Variants in RBBP7 observed in about 807,000 individuals in gnomAD.
RBBP7 encodes histone-binding protein RBBP7.
A neutral mutation model predicts 35.2 loss-of-function variants in RBBP7; 5 were observed. The ratio of observed to expected loss-of-function variants is 0.14; its 90% CI spans 0.07 to 0.30. RBBP7 has a LOEUF of 0.30. RBBP7 is among the 10% of genes least tolerant of loss of function. RBBP7 has a pLI of 1.00. For missense variants in RBBP7, 155 were observed against 327.5 expected (o/e 0.47, Z 4.07); for synonymous variants, 140 against 118.7 (o/e 1.18, Z -1.17).
At chrX:16,868,664 T>A (rs996507917) in intron 2 of RBBP7, among the ~76,000 whole-genome samples, 1 of 112,802 alleles carries the variant, frequency 8.9e-6, no homozygotes, top group Admixed American at 9.4e-5. Context: ...AATGTATTTA[T>A]CTTGGATGAC....
chrX:16,859,937 T>C (rs1001868781), intron 3 of RBBP7, among the ~76,000 whole-genome samples: 13 of 111,331 alleles, frequency 1.2e-4, no homozygotes, highest in African/African-American at 2.9e-4. Flanking sequence ...GAAGCAAACA[T>C]AGCTTACTAT....
At chrX:16,849,157 C>T (rs1930156797) in intron 10 of RBBP7, 87 bp downstream of exon 10, 2 of 909,562 alleles carry the variant, frequency 2.2e-6, no homozygotes, top group Non-Finnish European at 3.0e-6. Flanking sequence ...AGCTAGAATT[C>T]GAAGTTCTGA....
rs145630887 is a variant in RBBP7 at position 16,868,991 on chromosome X, A to G, written c.161+85T>C. ...TCATGCAAGGGCTGATTACATACTT[A>G]TGTTCTATGCATAAAACGCCAAAAC... is the stretch of plus-strand genomic sequence containing the variant. On this transcript the variant is annotated intron_variant, in intron 2 of 11. Transcript: ENST00000380087. The G allele has an allele frequency of 3.4e-4, 352 of 1,026,618 alleles. No individual in the cohort carries two copies. The African/African-American group carries it at 5.9e-3, about 17-fold the overall frequency. The allele number at this position is 1,026,618 out of a possible 1,213,427, so 84.6% of individuals were successfully genotyped here.
chrX:16,868,155 G>A (rs949321377), intron 2 of RBBP7, among the ~76,000 whole-genome samples: 15 of 111,304 alleles, frequency 1.3e-4, no homozygotes, highest in Admixed American at 8.6e-4. Context: ...ATGCAGTGGC[G>A]CAATCATGGC....
intron 1 of RBBP7, chrX:16,869,694 C>T: frequency 1.9e-6 from 2 of 1,030,529 alleles, no homozygotes; most frequent in Non-Finnish European, 2.5e-6. Context: ...CCGAGGCGGT[C>T]AACGCGCGCG....
intron 5 of RBBP7, 45 bp downstream of exon 5, chrX:16,857,549 T>C: frequency 1.7e-6 from 2 of 1,206,805 alleles, no homozygotes; most frequent in Non-Finnish European, 2.2e-6. Flanking sequence ...CTGTGACACG[T>C]CAGCTCTCAC....
intron 2 of RBBP7, among the ~76,000 whole-genome samples, chrX:16,867,011 A>AT (rs1400581161): frequency 2.7e-5 from 3 of 112,225 alleles, no homozygotes; most frequent in African/African-American, 6.5e-5. Flanking sequence ...TATAGGTAAC[A>AT]TTTTTTTAAA....
chrX:16,864,033 T>C lies in RBBP7; in HGVS notation c.162-933A>G, dbSNP rs780190045. Among the ~76,000 whole-genome samples, 4 of 110,881 alleles carry C rather than the reference T, an allele frequency of 3.6e-5. No homozygotes were observed. The East Asian group carries it at 8.5e-4, about 23-fold the overall frequency. On this transcript the variant is annotated intron_variant, in intron 2 of 11. Coordinates refer to ENST00000380087, the MANE Select transcript of RBBP7 (RefSeq NM_002893.4). Reference sequence around the variant, plus strand: ...AGCTGCACAAAGGATTCAATTTTTTTTTTTTTTCTAAAAAGATTGAAGATT... The same window carrying C: ...AGCTGCACAAAGGATTCAATTTTTTCTTTTTTTCTAAAAAGATTGAAGATT...
At chrX:16,849,445 G>GTT in intron 9 of RBBP7, 144 bp from the exon 10 acceptor site, 19 of 452,785 alleles carry the variant, frequency 4.2e-5, no homozygotes, top group Non-Finnish European at 4.6e-5. Context: ...AATCAATTAG[G>GTT]TTTTTTTTTT....
At chrX:16,851,133 A>G (rs1261544350) in intron 9 of RBBP7, among the ~76,000 whole-genome samples, 2 of 109,118 alleles carry the variant, frequency 1.8e-5, no homozygotes, top group African/African-American at 6.7e-5. Flanking sequence ...CCAAAAAAAA[A>G]AAAAGAAAAG....
intron 2 of RBBP7, among the ~76,000 whole-genome samples, chrX:16,864,163 C>CACACAG (rs1930541258): frequency 9.1e-6 from 1 of 110,398 alleles, no homozygotes; most frequent in South Asian, 3.8e-4. Context: ...GACACACACA[C>CACACAG]ACACAGACAC....
chrX:16,856,762 A>G (rs1204709628), intron 5 of RBBP7, among the ~76,000 whole-genome samples: 1 of 111,841 alleles, frequency 8.9e-6, no homozygotes, highest in Non-Finnish European at 1.9e-5. Context: ...AATTCTTCAA[A>G]AAATTAAACA....
intron 10 of RBBP7, chrX:16,847,116 C>T (rs766816683): frequency 5.1e-4 from 53 of 104,742 alleles, no homozygotes; most frequent in African/African-American, 1.7e-3. Flanking sequence ...GTGACAGAAC[C>T]AGACCTTGAC....
At chrX:16,852,724 C>A (rs750152508) in intron 7 of RBBP7, 25 bp downstream of exon 7, 2 of 1,211,856 alleles carry the variant, frequency 1.7e-6, no homozygotes, top group Non-Finnish European at 2.2e-6. Flanking sequence ...TTTATAAACA[C>A]CAAATAATGC....
At chrX:16,868,178 T>TG (rs1352722721) in intron 2 of RBBP7, among the ~76,000 whole-genome samples, 1 of 111,730 alleles carries the variant, frequency 9.0e-6, no homozygotes, top group East Asian at 2.8e-4. Context: ...ACTGCAGCCT[T>TG]GAACTCCTGA....
At chrX:16,867,215 G>A (rs1438211821) in intron 2 of RBBP7, among the ~76,000 whole-genome samples, 1 of 111,330 alleles carries the variant, frequency 9.0e-6, no homozygotes, top group Non-Finnish European at 1.9e-5. Flanking sequence ...TAGTCAGTAT[G>A]ACCAACATCT....
At chrX:16,865,303 A>C (rs1387834165) in intron 2 of RBBP7, among the ~76,000 whole-genome samples, 1 of 111,682 alleles carries the variant, frequency 9.0e-6, no homozygotes, top group East Asian at 2.8e-4. Flanking sequence ...GAGAGAAAGA[A>C]GGCACCACAG....
At chrX:16,858,314 C>A (rs1381348342) in intron 4 of RBBP7, among the ~76,000 whole-genome samples, 1 of 111,826 alleles carries the variant, frequency 8.9e-6, no homozygotes, top group African/African-American at 3.3e-5. Context: ...AATGGGCTGC[C>A]CTGGGTAGAG....
At position 16,857,456 on chromosome X, in the gene RBBP7, A is replaced by C. The variant is rs188897304; in HGVS notation, c.597+138T>G. ...AGGGCAGTATGAAAACCATCTCTCTAAAGTCCTGGGGGAATGTTACCACAA... is the reference window on the plus strand; with the variant it reads ...AGGGCAGTATGAAAACCATCTCTCTCAAGTCCTGGGGGAATGTTACCACAA... On this transcript the variant is annotated intron_variant, in intron 5 of 11. Transcript: ENST00000380087. The C allele has an allele frequency of 1.2e-4, 123 of 992,064 alleles. 1 individual carries two copies. The East Asian group carries it at 3.6e-3, about 29-fold the overall frequency. 81.8% of individuals were successfully genotyped at this position (992,064 alleles called of 1,213,427 possible). A position where few individuals can be genotyped will look rare whatever the true frequency, so the allele number is the denominator to read the frequency against.
Sources: gnomAD v4.1 joint callset for allele counts (sites outside exome capture counted in the v4.1 genomes callset) on GRCh38, gnomAD v4.1.1 for gene constraint, MANE v1.5 for transcripts, NCBI Gene and HGNC (gene_info 2026-07-23, HGNC 2026-07-21) for gene names.